Variants in USP35 observed in about 807,000 individuals in gnomAD.
USP35 encodes the protein ubiquitin carboxyl-terminal hydrolase 35.
Under a neutral mutation model 83.8 loss-of-function variants are expected in USP35, and 69 were observed. That is an observed-to-expected ratio of 0.82 (90% confidence interval 0.68 to 1.01). The LOEUF (loss-of-function observed/expected upper bound fraction) is 1.01, where lower values mean the gene tolerates loss of function less well. Among genes scored for constraint, USP35 ranks in the 50% least tolerant of loss-of-function variants. The pLI, the probability that USP35 is intolerant of heterozygous loss-of-function variation, is 0.00. For synonymous variants in USP35, 714 were observed against 589.5 expected (o/e 1.21, Z -3.06); for missense variants, 1,503 against 1,362.5 (o/e 1.10, Z -1.62).
At chr11:78,218,207 A>T (rs1864246516), downstream of USP35, 1 of 153,866 alleles carries the variant, frequency 6.5e-6, no homozygotes, top group Non-Finnish European at 1.4e-5. Flanking sequence ...CCCACTGCAG[A>T]GTCCCCTGCA....
rs939152313 is a variant in USP35, at chr11:78,196,476, C to T, written c.231C>T (p.Ala77=). ...VAGRHHPDVF[A]EFFSARRVLR... The stretch of plus-strand genomic sequence containing the variant: ...GCCGCCACCACCCCGACGTCTTCGC[C>T]GAGTTCTTCAGCGCGCGTCGCGTGC... The change falls in exon 2 of 11, where the codon GCC becomes GCT. Residue 77 remains alanine (A), a synonymous_variant. Transcript: ENST00000529308. The surrounding 1 kb of genome is among the most constrained non-coding windows in gnomAD (Gnocchi z 4.8). The T allele has an allele frequency of 3.4e-5, 42 of 1,243,674 alleles. No individual in the cohort carries two copies. In the Admixed American group the frequency reaches 1.8e-3, roughly 54 times the overall value. 77.0% of individuals were successfully genotyped at this position (1,243,674 alleles called of 1,614,324 possible). A position where few individuals can be genotyped will look rare whatever the true frequency, so the allele number is the denominator to read the frequency against.
At chr11:78,204,181 C>T (rs1463095510) in intron 6 of USP35, among the ~76,000 whole-genome samples, 6 of 152,222 alleles carry the variant, frequency 3.9e-5, no homozygotes, top group Non-Finnish European at 5.9e-5. Flanking sequence ...TGAGCCACCG[C>T]GCCCGGCCTA....
At chr11:78,211,902 CTGA>C (rs1200903378) in intron 10 of USP35, among the ~76,000 whole-genome samples, 1 of 152,122 alleles carries the variant, frequency 6.6e-6, no homozygotes, top group Non-Finnish European at 1.5e-5. Flanking sequence ...TGTGTCTACT[CTGA>C]TGATAGTTCC....
At chr11:78,226,839 G>A in the USP35 span, 1 of 1,614,028 alleles carries the variant, frequency 6.2e-7, no homozygotes, top group South Asian at 1.1e-5. Context: ...GCTGCCCTTG[G>A]TGTGGCCATG....
chr11:78,227,799 C>CA, the USP35 span, among the ~76,000 whole-genome samples: 3 of 151,868 alleles, frequency 2.0e-5, no homozygotes, highest in Non-Finnish European at 4.4e-5. Flanking sequence ...GACCCTGTTT[C>CA]AAAAAAACAC....
downstream of USP35, among the ~76,000 whole-genome samples, chr11:78,219,749 C>A (rs552455819): frequency 6.6e-6 from 1 of 152,306 alleles, no homozygotes; most frequent in South Asian, 2.1e-4. Context: ...GGTCGCTCAT[C>A]CAGGGGAAGG....
rs1469420272 is a variant in USP35, at chr11:78,200,677, G to A, written c.1066G>A (p.Ala356Thr). The A allele has an allele frequency of 6.2e-7, 1 of 1,613,094 alleles. No homozygotes were observed. Among genetic ancestry groups the A allele is most frequent in the Non-Finnish European group, 8.5e-7 (1 of 1,179,352 alleles). The change falls in exon 6 of 11, where the codon GCC becomes ACC. Residue 356 changes from alanine (A) to threonine (T), a missense_variant. By Grantham distance (58) the Ala-to-Thr change is moderately conservative. Transcript: ENST00000529308. ...LLLPHIPPMV[A>T]SLVKEDSNSG... ...CCTCCCTCACATCCCCCCCATGGTG[G>A]CCTCTCTGGTCAAGGAGGACTCGAA...
Position 78,189,068 on chromosome 11 carries a change from AC to A in USP35, c.-98del. 3.2e-6 allele frequency: 2 copies of A among 621,332 alleles called. No individual in the cohort carries two copies. Among genetic ancestry groups the A allele is most frequent in the Non-Finnish European group, 4.0e-6 (2 of 497,230 alleles). The allele number at this position is 621,332 out of a possible 1,614,324, so 38.5% of individuals were successfully genotyped here. ...GTCCCCACCCTGGGGGGAGCAGAGG[AC>A]CAGCCCTGACCTAGCCGGGCCCAGC... is the stretch of plus-strand genomic sequence containing the variant. On this transcript the variant is annotated 5_prime_UTR_variant, in exon 1 of 11. Transcript: ENST00000529308.
chr11:78,213,789 T>TG lies in USP35; in HGVS notation c.3034dup (p.Asp1012GlyfsTer10). 6.4e-7 allele frequency: 1 copy of TG among 1,552,414 alleles called. No individual in the cohort carries two copies. Among genetic ancestry groups the TG allele is most frequent in the East Asian group, 2.5e-5 (1 of 39,512 alleles). On this transcript the variant is annotated frameshift_variant, in exon 11 of 11. Coordinates refer to ENST00000529308, the MANE Select transcript of USP35 (RefSeq NM_020798.4). LOFTEE classifies it high-confidence loss of function. Reference sequence around the variant, plus strand: ...GCAATCCTGCAGGTGGCAATGGTGGTGACTTCCACAGACTGGTCTTCTAAT... The same window carrying TG: ...GCAATCCTGCAGGTGGCAATGGTGGTGGACTTCCACAGACTGGTCTTCTAAT...
chr11:78,217,586 C>T (rs1250391340), downstream of USP35: 6 of 152,216 alleles, frequency 3.9e-5, no homozygotes, highest in Admixed American at 2.0e-4. Flanking sequence ...TAGAATGAAA[C>T]GTCTGGTCTG....
chr11:78,231,336 G>GGGGTGTGTGTGTGT, the USP35 span, among the ~76,000 whole-genome samples: 2 of 145,796 alleles, frequency 1.4e-5, no homozygotes, highest in Non-Finnish European at 3.0e-5. Flanking sequence ...GCGCGTGTGT[G>GGGGTGTGTGTGTGT]GTGTGTGTGT....
chr11:78,210,848 T>C, intron 10 of USP35, 104 bp downstream of exon 10: 1 of 1,250,384 alleles, frequency 8.0e-7, no homozygotes, highest in Non-Finnish European at 1.1e-6. Context: ...TTTTTGTAAA[T>C]CCCATTCATC....
At chr11:78,231,321 C>T in the USP35 span, among the ~76,000 whole-genome samples, 2 of 129,416 alleles carry the variant, frequency 1.5e-5, no homozygotes, top group South Asian at 2.5e-4. Context: ...CCTTGGTGCG[C>T]GCGCGCGCGT....
chr11:78,197,966 G>GCGA lies in USP35; in HGVS notation c.706_707insACG (p.Ser235_Val236insAsp). On this transcript the variant is annotated inframe_insertion, in exon 3 of 11. Coordinates refer to ENST00000529308, the MANE Select transcript of USP35 (RefSeq NM_020798.4). ...GAGCCACCATCTAGCGCCCTGGCCA[G>GCGA]CGTGGTCCAGCACCTCCCATTGGAG... The GCGA allele has an allele frequency of 6.2e-7, 1 of 1,614,200 alleles. No individual in the cohort carries two copies. The highest frequency in any genetic ancestry group is 8.5e-7 in the Non-Finnish European group (1 of 1,180,020).
chr11:78,212,984 A>C (rs1258648097), intron 10 of USP35, among the ~76,000 whole-genome samples: 2 of 152,218 alleles, frequency 1.3e-5, no homozygotes, highest in African/African-American at 4.8e-5. Flanking sequence ...TGGCACTGGC[A>C]TACTGAGCAG....
chr11:78,213,106 C>CATCA (rs1863861352), intron 10 of USP35, among the ~76,000 whole-genome samples: 1 of 152,208 alleles, frequency 6.6e-6, no homozygotes, highest in Non-Finnish European at 1.5e-5. Flanking sequence ...GTGTCACCAA[C>CATCA]ATCAACTCCT....
intron 5 of USP35, 148 bp from the exon 6 acceptor site, chr11:78,200,502 C>T: frequency 8.2e-7 from 1 of 1,215,220 alleles, no homozygotes; most frequent in Non-Finnish European, 1.1e-6. Flanking sequence ...GCCTGCAGAG[C>T]TCAGAGCCCC....
chr11:78,208,079 C>T lies in USP35; in HGVS notation c.1485+456C>T, dbSNP rs765512037. ...AGAGCATGCATGAGAGAAGGGAAAG[C>T]GGGATGAACTCACCCTTTTATCAGG... On this transcript the variant is annotated intron_variant, in intron 8 of 10. Coordinates refer to ENST00000529308, the MANE Select transcript of USP35 (RefSeq NM_020798.4). Among the ~76,000 whole-genome samples, 9 of 152,238 alleles carry T rather than the reference C, an allele frequency of 5.9e-5. No individual in the cohort carries two copies. In the South Asian group the frequency reaches 6.2e-4, roughly 11 times the overall value.
intron 10 of USP35, 31 bp from the exon 11 acceptor site, chr11:78,213,612 CTAA>C: frequency 1.0e-6 from 1 of 966,860 alleles, no homozygotes; most frequent in South Asian, 3.1e-5. Flanking sequence ...GGTGTGAATT[CTAA>C]GTCTAAGTCT....
Sources: gnomAD v4.1 joint callset for allele counts (sites outside exome capture counted in the v4.1 genomes callset) on GRCh38, gnomAD v4.1.1 for gene constraint, Gnocchi (gnomAD v3.1) non-coding constraint, MANE v1.5 for transcripts, NCBI Gene and HGNC (gene_info 2026-07-23, HGNC 2026-07-21) for gene names.